ROBO1: variants seen among roughly 807,000 people sequenced by gnomAD.
The protein encoded by ROBO1 is roundabout homolog 1.
ROBO1 carries 149 observed loss-of-function variants against 195.9 expected under a neutral mutation model. The ratio of observed to expected loss-of-function variants is 0.76; its 90% CI spans 0.67 to 0.87. The LOEUF (loss-of-function observed/expected upper bound fraction) is 0.87, where lower values mean the gene tolerates loss of function less well. Among genes scored for constraint, ROBO1 ranks in the 40% least tolerant of loss-of-function variants. ROBO1 has a pLI of 0.00. For synonymous variants in ROBO1, 816 were observed against 733.2 expected (o/e 1.11, Z -1.82); for missense variants, 1,933 against 2,068.3 (o/e 0.93, Z 1.27).
At chr3:78,760,601 C>T (rs1420671489) in intron 4 of ROBO1, among the ~76,000 whole-genome samples, 1 of 152,136 alleles carries the variant, frequency 6.6e-6, no homozygotes, top group Non-Finnish European at 1.5e-5. Flanking sequence ...ATTTTGGGTA[C>T]ATTTCATAAA....
intron 2 of ROBO1, among the ~76,000 whole-genome samples, chr3:79,236,764 C>T (rs1375665476): frequency 6.6e-6 from 1 of 152,064 alleles, no homozygotes; most frequent in Admixed American, 6.5e-5. Flanking sequence ...GAGTAATGTA[C>T]ATTTTTTGAA....
At chr3:78,827,016 A>G (rs1359475236) in intron 4 of ROBO1, among the ~76,000 whole-genome samples, 4 of 152,184 alleles carry the variant, frequency 2.6e-5, no homozygotes, top group Non-Finnish European at 5.9e-5. Context: ...ATTATATAAA[A>G]CAAAGAGGAA....
At chr3:79,627,006 C>A (rs548652473) in intron 1 of ROBO1, among the ~76,000 whole-genome samples, 1 of 151,446 alleles carries the variant, frequency 6.6e-6, no homozygotes, top group Non-Finnish European at 1.5e-5. Flanking sequence ...TAAGGGATGA[C>A]CTAAACAGAA....
chr3:79,703,627 C>T (rs1947683585), intron 1 of ROBO1, among the ~76,000 whole-genome samples: 1 of 151,780 alleles, frequency 6.6e-6, no homozygotes, highest in Admixed American at 6.6e-5. Flanking sequence ...TCCATTTTTA[C>T]TTATAGAAAG....
chr3:78,731,192 CA>C (rs2082277513), intron 5 of ROBO1, among the ~76,000 whole-genome samples: 2 of 152,004 alleles, frequency 1.3e-5, no homozygotes, highest in African/African-American at 4.8e-5. Context: ...ATAGCCAAGA[CA>C]AAAGCATGCT....
At chr3:79,080,891 A>G (rs930383614) in intron 3 of ROBO1, among the ~76,000 whole-genome samples, 1 of 152,100 alleles carries the variant, frequency 6.6e-6, no homozygotes, top group African/African-American at 2.4e-5. Context: ...CTGGCAGTTT[A>G]TCTTGGGATA....
intron 1 of ROBO1, among the ~76,000 whole-genome samples, chr3:79,724,593 G>C (rs114574085): frequency 0.018 from 2,710 of 152,282 alleles, 80 homozygotes; most frequent in African/African-American, 0.062. Flanking sequence ...AAGGAACTTA[G>C]TGCCACCTCT....
intron 2 of ROBO1, among the ~76,000 whole-genome samples, chr3:79,271,274 T>C (rs765056958): frequency 2.6e-5 from 4 of 151,948 alleles, no homozygotes; most frequent in Non-Finnish European, 4.4e-5. Context: ...CTATCATTTA[T>C]TCTTACTTTT....
At chr3:78,615,552 G>A (rs1704064352) in intron 27 of ROBO1, among the ~76,000 whole-genome samples, 1 of 152,114 alleles carries the variant, frequency 6.6e-6, no homozygotes, top group South Asian at 2.1e-4. Context: ...ACGTTCTCTG[G>A]TGCCTTACAT....
intron 1 of ROBO1, among the ~76,000 whole-genome samples, chr3:79,625,704 A>G (rs1945155989): frequency 6.6e-6 from 1 of 152,126 alleles, no homozygotes; most frequent in Non-Finnish European, 1.5e-5. Context: ...TCTGAAGTTA[A>G]GGCAGTAATT....
chr3:78,907,203 T>C (rs2037974288), intron 4 of ROBO1, among the ~76,000 whole-genome samples: 1 of 152,168 alleles, frequency 6.6e-6, no homozygotes, highest in Admixed American at 6.6e-5. Context: ...GTGTTGAACT[T>C]TGAATAGGTC....
At position 78,831,102 on chromosome 3, in the gene ROBO1, G is replaced by A. The variant is rs924668739; in HGVS notation, c.500-84202C>T. ...TAATTTTTCTATTTTTAGTAGAGAC[G>A]GGGTTTCACCATGTTGGCCAGGCTG... On this transcript the variant is annotated intron_variant, in intron 4 of 30. Coordinates refer to ENST00000464233, the MANE Select transcript of ROBO1 (RefSeq NM_002941.4). Among the ~76,000 whole-genome samples, 6 of 151,878 alleles carry A rather than the reference G, an allele frequency of 4.0e-5. No homozygotes were observed. In the South Asian group the frequency reaches 1.0e-3, roughly 26 times the overall value.
chr3:78,664,095 A>C (rs1707596815), intron 14 of ROBO1, among the ~76,000 whole-genome samples: 1 of 152,174 alleles, frequency 6.6e-6, no homozygotes, highest in Admixed American at 6.5e-5. Flanking sequence ...TTCACAGCAG[A>C]GAGAAAAAGG....
At chr3:79,433,024 C>A (rs996499944) in intron 2 of ROBO1, among the ~76,000 whole-genome samples, 1 of 152,114 alleles carries the variant, frequency 6.6e-6, no homozygotes, top group African/African-American at 2.4e-5. Flanking sequence ...AAATGTCCAA[C>A]TTCTATTTGA....
chr3:78,652,727 C>T (rs1266779151), intron 18 of ROBO1, among the ~76,000 whole-genome samples: 1 of 151,984 alleles, frequency 6.6e-6, no homozygotes, highest in African/African-American at 2.4e-5. Context: ...CAAAAGGGCT[C>T]ATGTTTTCTG....
chr3:79,066,784 A>G (rs1181391279), intron 3 of ROBO1, among the ~76,000 whole-genome samples: 1 of 151,922 alleles, frequency 6.6e-6, no homozygotes, highest in African/African-American at 2.4e-5. Context: ...TAAGGCAGAA[A>G]TGATATTTTA....
chr3:79,220,299 G>T (rs2082115510), intron 2 of ROBO1, among the ~76,000 whole-genome samples: 1 of 151,958 alleles, frequency 6.6e-6, no homozygotes, highest in Non-Finnish European at 1.5e-5. Context: ...TTTCACTCTG[G>T]AATTTGTCTA....
intron 1 of ROBO1, among the ~76,000 whole-genome samples, chr3:79,702,450 G>C (rs953690416): frequency 2.0e-5 from 3 of 151,732 alleles, no homozygotes; most frequent in Non-Finnish European, 2.9e-5. Context: ...CTTAAATCTT[G>C]TGCTGGTTAT....
chr3:79,148,965 C>T (rs1018770403), intron 2 of ROBO1, among the ~76,000 whole-genome samples: 8 of 151,838 alleles, frequency 5.3e-5, no homozygotes, highest in South Asian at 2.1e-4. Context: ...CACATACTGG[C>T]GCCAAGTGAG....
Sources: allele counts gnomAD v4.1 joint callset (sites outside exome capture counted in the v4.1 genomes callset), GRCh38; gene constraint gnomAD v4.1.1; transcripts MANE v1.5; gene names NCBI Gene and HGNC (gene_info 2026-07-23, HGNC 2026-07-21).